FAM117B: variants seen among roughly 807,000 people sequenced by gnomAD.
FAM117B encodes the protein family with sequence similarity 117 member B.
FAM117B carries 22 observed loss-of-function variants against 52.8 expected under a neutral mutation model. The ratio of observed to expected loss-of-function variants is 0.42; its 90% CI spans 0.30 to 0.59. FAM117B has a LOEUF of 0.59. FAM117B is among the 20% of genes least tolerant of loss of function. The pLI is 0.22. For missense variants in FAM117B, 678 were observed against 802.6 expected, an observed-to-expected ratio of 0.84 and a Z score of 1.88; for synonymous variants, 309 against 324.1, an observed-to-expected ratio of 0.95 and a Z score of 0.50.
At chr2:202,655,459 CTAA>C (rs1339811502) in intron 1 of FAM117B, among the ~76,000 whole-genome samples, 1 of 151,920 alleles carries the variant, frequency 6.6e-6, no homozygotes, top group Non-Finnish European at 1.5e-5. Context: ...GTGTCTTTGG[CTAA>C]TATTTTGTTG....
intron 1 of FAM117B, among the ~76,000 whole-genome samples, chr2:202,640,336 A>G (rs867028061): frequency 9.3e-6 from 1 of 107,664 alleles, no homozygotes; most frequent in African/African-American, 3.5e-5. Context: ...ATATATATAT[A>G]TATATATGGC....
chr2:202,648,733 T>C (rs1689909515), intron 1 of FAM117B, among the ~76,000 whole-genome samples: 1 of 152,048 alleles, frequency 6.6e-6, no homozygotes, highest in Non-Finnish European at 1.5e-5. Flanking sequence ...TATATGAATT[T>C]ATCTGTAGGA....
At chr2:202,745,845 CAAAG>C (rs571291859) in intron 4 of FAM117B, among the ~76,000 whole-genome samples, 21 of 152,156 alleles carry the variant, frequency 1.4e-4, no homozygotes, top group Middle Eastern at 3.4e-3. Context: ...ACCAAAAAGA[CAAAG>C]AAGGTTATTA....
intron 2 of FAM117B, among the ~76,000 whole-genome samples, chr2:202,712,633 T>G (rs2105782614): frequency 6.6e-6 from 1 of 152,222 alleles, no homozygotes; most frequent in African/African-American, 2.4e-5. Context: ...TTCCCTATCT[T>G]ACAGGAAAGG....
chr2:202,716,506 A>G (rs1439787320), intron 2 of FAM117B, among the ~76,000 whole-genome samples: 2 of 151,404 alleles, frequency 1.3e-5, no homozygotes, highest in Admixed American at 1.3e-4. Flanking sequence ...CTCTGGTGGT[A>G]TGATTTATTT....
chr2:202,672,276 G>A (rs541243917), intron 1 of FAM117B, among the ~76,000 whole-genome samples: 2 of 152,248 alleles, frequency 1.3e-5, no homozygotes, highest in Non-Finnish European at 2.9e-5. Context: ...GCAGTGGCAC[G>A]ATCCCGGCTC....
intron 1 of FAM117B, among the ~76,000 whole-genome samples, chr2:202,686,123 A>G (rs549450344): frequency 6.6e-6 from 1 of 152,364 alleles, no homozygotes; most frequent in Admixed American, 6.5e-5. Context: ...TTGATCAGAC[A>G]TATCACTGAA....
intron 7 of FAM117B, among the ~76,000 whole-genome samples, chr2:202,764,462 G>A (rs946612975): frequency 1.3e-5 from 2 of 151,764 alleles, no homozygotes; most frequent in African/African-American, 4.8e-5. Flanking sequence ...TAAAGACGAG[G>A]TCTCACTATG....
Position 202,722,597 on chromosome 2 carries a change from C to T in FAM117B, c.754-2320C>T, listed in dbSNP as rs532293698. 9.2e-5 allele frequency among the ~76,000 whole-genome samples: 14 copies of T among 152,190 alleles called. No individual in the cohort carries two copies. The East Asian group carries it at 1.7e-3, about 19-fold the overall frequency. On this transcript the variant is annotated intron_variant, in intron 2 of 7. Coordinates refer to ENST00000392238, the MANE Select transcript of FAM117B (RefSeq NM_173511.4). ...CAGAAAACCAAATACTGCATGTTCTCACTTATAAATGGGAGCTAAATAATG... is the reference window on the plus strand; with the variant it reads ...CAGAAAACCAAATACTGCATGTTCTTACTTATAAATGGGAGCTAAATAATG...
At chr2:202,732,495 A>T (rs1268843971) in intron 4 of FAM117B, among the ~76,000 whole-genome samples, 1 of 152,224 alleles carries the variant, frequency 6.6e-6, no homozygotes, top group Non-Finnish European at 1.5e-5. Flanking sequence ...ATGGAGTACC[A>T]GTACATGCGA....
rs182286938 is a variant in FAM117B at position 202,696,592 on chromosome 2, G to C, written c.753+560G>C. 3.0e-3 allele frequency among the ~76,000 whole-genome samples: 452 copies of C among 152,242 alleles called. 1 individual carries two copies. The highest frequency in any genetic ancestry group is 4.8e-3 in the Non-Finnish European group (325 of 68,012). ...AATTTGGTCTTAAAAATTTGTAACA[G>C]CAAAGATTAGTGACCATCTAACTTT... On this transcript the variant is annotated intron_variant, in intron 2 of 7. Coordinates refer to ENST00000392238, the MANE Select transcript of FAM117B (RefSeq NM_173511.4).
Position 202,684,328 on chromosome 2 carries a change from C to T in FAM117B, c.602-11553C>T, listed in dbSNP as rs553872806. Among the ~76,000 whole-genome samples, 192 of 152,290 alleles carry T rather than the reference C, an allele frequency of 1.3e-3. 5 individuals carry two copies. The South Asian group carries it at 0.039, about 31-fold the overall frequency. On this transcript the variant is annotated intron_variant, in intron 1 of 7. Coordinates refer to ENST00000392238, the MANE Select transcript of FAM117B (RefSeq NM_173511.4). ...TTATTATTCGCAGATTTTGTATTGG[C>T]AAATTTGCCCACTAGCTAAAAGTTA...
At chr2:202,709,176 CA>C (rs1320703729) in intron 2 of FAM117B, among the ~76,000 whole-genome samples, 1 of 151,106 alleles carries the variant, frequency 6.6e-6, no homozygotes, top group Non-Finnish European at 1.5e-5. Flanking sequence ...GTCCTTAGCC[CA>C]CTTTTTTTTT....
At chr2:202,720,261 A>G (rs1015841674) in intron 2 of FAM117B, among the ~76,000 whole-genome samples, 1 of 152,010 alleles carries the variant, frequency 6.6e-6, no homozygotes. Context: ...TCCTAAATGG[A>G]GTTCATAAAA....
intron 1 of FAM117B, among the ~76,000 whole-genome samples, chr2:202,658,548 C>T (rs749130239): frequency 1.6e-4 from 24 of 152,054 alleles, no homozygotes; most frequent in Non-Finnish European, 2.1e-4. Flanking sequence ...GTGATCCACC[C>T]GTTTTGACCT....
chr2:202,755,245 C>T (rs115159815), intron 4 of FAM117B, among the ~76,000 whole-genome samples: 3,128 of 152,202 alleles, frequency 0.021, 128 homozygotes, highest in African/African-American at 0.072. Context: ...CTGTTACAGT[C>T]GTAAAAGAAT....
chr2:202,654,911 G>A (rs1324878859), intron 1 of FAM117B, among the ~76,000 whole-genome samples: 1 of 151,372 alleles, frequency 6.6e-6, no homozygotes, highest in Non-Finnish European at 1.5e-5. Context: ...TGTCTATTTG[G>A]GGCTGCTATG....
At chr2:202,654,054 AGAGT>A (rs1332879788) in intron 1 of FAM117B, among the ~76,000 whole-genome samples, 21 of 138,716 alleles carry the variant, frequency 1.5e-4, no homozygotes, top group Admixed American at 1.4e-3. Flanking sequence ...GTGCGGGAAG[AGAGT>A]GAGTGAGAGA....
chr2:202,729,642 AT>A (rs1162432965), intron 4 of FAM117B, among the ~76,000 whole-genome samples: 1 of 152,224 alleles, frequency 6.6e-6, no homozygotes, highest in African/African-American at 2.4e-5. Context: ...AGAATTCAGA[AT>A]GCAACAGAAG....
Sources: gnomAD v4.1 joint callset for allele counts (sites outside exome capture counted in the v4.1 genomes callset) on GRCh38, gnomAD v4.1.1 for gene constraint, MANE v1.5 for transcripts, NCBI Gene and HGNC (gene_info 2026-07-23, HGNC 2026-07-21) for gene names.